OSBPL3: variants seen among roughly 807,000 people sequenced by gnomAD.
OSBPL3 encodes the protein oxysterol binding protein like 3, also known as oxysterol-binding protein-related protein 3.
Under a neutral mutation model 120.1 loss-of-function variants are expected in OSBPL3, and 65 were observed. The ratio of observed to expected loss-of-function variants is 0.54; its 90% CI spans 0.44 to 0.67. The LOEUF is 0.67. OSBPL3 is among the 30% of genes least tolerant of loss of function. The probability of loss-of-function intolerance (pLI) is 0.00; values close to 1 mark genes in which losing one functional copy is unlikely to be tolerated. For missense variants in OSBPL3, 1,004 were observed against 1,082.1 expected (o/e 0.93, Z 1.01); for synonymous variants, 416 against 402.6 (o/e 1.03, Z -0.40).
At chr7:24,960,834 C>G (rs910351996) in intron 1 of OSBPL3, among the ~76,000 whole-genome samples, 1 of 152,066 alleles carries the variant, frequency 6.6e-6, no homozygotes, top group Non-Finnish European at 1.5e-5. Flanking sequence ...AGAAGTATCA[C>G]CAAGTACATA....
chr7:24,839,191 G>A (rs1483223001), intron 14 of OSBPL3, among the ~76,000 whole-genome samples: 2 of 152,228 alleles, frequency 1.3e-5, no homozygotes, highest in Non-Finnish European at 2.9e-5. Flanking sequence ...AATAGGTGGT[G>A]CTTTGAGTAT....
rs530351257 is a variant in OSBPL3, at chr7:24,977,366, T to C, written c.-150+2520A>G. Among the ~76,000 whole-genome samples, 56 of 152,316 alleles carry C rather than the reference T, an allele frequency of 3.7e-4. 1 individual carries two copies. In the South Asian group the frequency reaches 0.011, roughly 30 times the overall value. Reference sequence around the variant, plus strand: ...AGAAAGTTTACAGCCCAATCTCAGATGGTTTTAATATTTGTATCACTGGAT... The same window carrying C: ...AGAAAGTTTACAGCCCAATCTCAGACGGTTTTAATATTTGTATCACTGGAT... On this transcript the variant is annotated intron_variant, in intron 1 of 22. Coordinates refer to ENST00000313367, the MANE Select transcript of OSBPL3 (RefSeq NM_015550.4).
chr7:24,978,555 A>G (rs924210119), intron 1 of OSBPL3, among the ~76,000 whole-genome samples: 1 of 152,200 alleles, frequency 6.6e-6, no homozygotes, highest in African/African-American at 2.4e-5. Flanking sequence ...GCTTGGATGC[A>G]TAAGAACCTA....
Position 24,803,679 on chromosome 7 carries a change from G to A in OSBPL3, c.2567+636C>T, listed in dbSNP as rs1792658602. On this transcript the variant is annotated intron_variant, in intron 22 of 22. Coordinates refer to ENST00000313367, the MANE Select transcript of OSBPL3 (RefSeq NM_015550.4). The surrounding 1 kb of genome is among the most constrained non-coding windows in gnomAD (Gnocchi z 4.2). ...CCAGCTACTTAGGAGGCTGAGGCAG[G>A]AGAATCGCTTGAACCCAGGAGGTGG... Among the ~76,000 whole-genome samples the A allele has an allele frequency of 6.6e-6, 1 of 152,094 alleles. No individual in the cohort carries two copies. Among genetic ancestry groups the A allele is most frequent in the Non-Finnish European group, 1.5e-5 (1 of 68,016 alleles).
At chr7:24,887,449 G>A (rs1240418321) in intron 2 of OSBPL3, among the ~76,000 whole-genome samples, 1 of 152,202 alleles carries the variant, frequency 6.6e-6, no homozygotes, top group Non-Finnish European at 1.5e-5. Flanking sequence ...CAGCTCATCC[G>A]TAATTATACC....
chr7:24,973,878 A>T (rs564622168), intron 1 of OSBPL3, among the ~76,000 whole-genome samples: 2 of 152,340 alleles, frequency 1.3e-5, no homozygotes, highest in South Asian at 4.1e-4. Context: ...AATTTCAAAC[A>T]TGTACAAAAG....
rs1215712635 is a variant in OSBPL3, at chr7:24,808,051, C to T, written c.2318-1149G>A. 6.6e-6 allele frequency among the ~76,000 whole-genome samples: 1 copy of T among 152,142 alleles called. No individual in the cohort carries two copies. ...TAGCTGGGACTACAGTAGATGCACA[C>T]CACCATGCCTGGCTAATCTTTGTAT... On this transcript the variant is annotated intron_variant, in intron 20 of 22. Transcript: ENST00000313367. The surrounding 1 kb of genome is among the most constrained non-coding windows in gnomAD (Gnocchi z 4.6).
chr7:24,837,306 C>T (rs1319489580), intron 14 of OSBPL3, among the ~76,000 whole-genome samples: 2 of 152,270 alleles, frequency 1.3e-5, no homozygotes, highest in South Asian at 2.1e-4. Flanking sequence ...CGGGCCTAAA[C>T]AATTGTTCCA....
rs1222295120 is a variant in OSBPL3 at position 24,967,191 on chromosome 7, T to A, written c.-150+12695A>T. On this transcript the variant is annotated intron_variant, in intron 1 of 22. Coordinates refer to ENST00000313367, the MANE Select transcript of OSBPL3 (RefSeq NM_015550.4). This position sits in a 1 kb window ranked among gnomAD's most constrained non-coding sequence, Gnocchi z 5.6. ...AATCTTCCAATCATACAACATTTAA[T>A]TTTTGTATTTGACTACCAGTTGAAC... Among the ~76,000 whole-genome samples the A allele has an allele frequency of 6.6e-6, 1 of 152,222 alleles. No individual in the cohort carries two copies. The highest frequency in any genetic ancestry group is 2.4e-5 in the African/African-American group (1 of 41,464).
rs571887283 is a variant in OSBPL3, at chr7:24,901,262, G to A, written c.-149-8641C>T. Among the ~76,000 whole-genome samples, 13 of 152,196 alleles carry A rather than the reference G, an allele frequency of 8.5e-5. No homozygotes were observed. The South Asian group carries it at 2.7e-3, about 32-fold the overall frequency. On this transcript the variant is annotated intron_variant, in intron 1 of 22. Coordinates refer to ENST00000313367, the MANE Select transcript of OSBPL3 (RefSeq NM_015550.4). ...GAATTGCTTGAACCCAGGAGGTGGA[G>A]CTGAGATGGCGCCACTGTACTCCAG...
In OSBPL3 at chr7:24,820,292, T is replaced by C. The variant is rs1486459946; in HGVS notation, c.1885-54A>G. On this transcript the variant is annotated intron_variant, in intron 16 of 22. Coordinates refer to ENST00000313367, the MANE Select transcript of OSBPL3 (RefSeq NM_015550.4). This position sits in a 1 kb window ranked among gnomAD's most constrained non-coding sequence, Gnocchi z 4.6. ...AAAATGAATGAACTTTTGTGTCTCA[T>C]GAAATCCATTCTTTCTCCCCTGCAC... 7 of 1,334,390 alleles carry C rather than the reference T, an allele frequency of 5.2e-6. No homozygotes were observed. The highest frequency in any genetic ancestry group is 7.5e-6 in the Non-Finnish European group (7 of 934,882). 82.7% of individuals were successfully genotyped at this position (1,334,390 alleles called of 1,614,324 possible).
chr7:24,919,587 C>T (rs1810138649), intron 1 of OSBPL3, among the ~76,000 whole-genome samples: 2 of 151,934 alleles, frequency 1.3e-5, no homozygotes, highest in Admixed American at 1.3e-4. Context: ...GTAACTCTTC[C>T]TGACCTTGGA....
At chr7:24,845,518 C>T (rs1798339620) in intron 12 of OSBPL3, among the ~76,000 whole-genome samples, 1 of 141,894 alleles carries the variant, frequency 7.0e-6, no homozygotes, top group Non-Finnish European at 1.5e-5. Context: ...TTTTAAGTTA[C>T]TTGATATTAT....
chr7:24,951,402 G>T (rs1181861710), intron 1 of OSBPL3, among the ~76,000 whole-genome samples: 1 of 151,936 alleles, frequency 6.6e-6, no homozygotes, highest in East Asian at 1.9e-4. Flanking sequence ...AAAAGAAAGG[G>T]GAAAAATGAA....
chr7:24,815,353 C>T lies in OSBPL3; in HGVS notation c.2028-150G>A, dbSNP rs186737881. On this transcript the variant is annotated intron_variant, in intron 18 of 22. Transcript: ENST00000313367. This position sits in a 1 kb window ranked among gnomAD's most constrained non-coding sequence, Gnocchi z 5.1. ...ACACTGGCTAAGTGTCTATGTCACA[C>T]TGGATGTTCTAGGAGCTTCCACTCT... The T allele has an allele frequency of 1.5e-6, 1 of 653,842 alleles. No individual in the cohort carries two copies. The allele number at this position is 653,842 out of a possible 1,614,324, so 40.5% of individuals were successfully genotyped here.
chr7:24,798,795 A>G lies in OSBPL3; in HGVS notation c.*1388T>C, dbSNP rs1419945667. The G allele has an allele frequency of 1.3e-5, 2 of 152,642 alleles. No individual in the cohort carries two copies. The highest frequency in any genetic ancestry group is 2.4e-5 in the African/African-American group (1 of 41,468). The allele number at this position is 152,642 out of a possible 1,614,324, so 9.5% of individuals were successfully genotyped here. A position where few individuals can be genotyped will look rare whatever the true frequency, so the allele number is the denominator to read the frequency against. The stretch of plus-strand genomic sequence containing the variant: ...GGAGAAATCTTTTTACTACATCATT[A>G]TACTTGATATTCCATAGCATTGCTA... On this transcript the variant is annotated 3_prime_UTR_variant, in exon 23 of 23. Transcript: ENST00000313367. This position sits in a 1 kb window ranked among gnomAD's most constrained non-coding sequence, Gnocchi z 4.6.
In OSBPL3 at chr7:24,830,755, G is replaced by A. The variant is rs752274859; in HGVS notation, c.1884+13C>T. The stretch of plus-strand genomic sequence containing the variant: ...CAACCCCTCCCAACAAGCAAAAAAT[G>A]GTGTACATCTACCTGTTCTGAAAAA... On this transcript the variant is annotated intron_variant, in intron 16 of 22. Transcript: ENST00000313367. This position sits in a 1 kb window ranked among gnomAD's most constrained non-coding sequence, Gnocchi z 4.4. 3.1e-5 allele frequency: 50 copies of A among 1,591,680 alleles called. No homozygotes were observed. Among genetic ancestry groups the A allele is most frequent in the Non-Finnish European group, 4.2e-5 (49 of 1,172,994 alleles).
At chr7:24,979,265 T>C (rs1406031378) in intron 1 of OSBPL3, among the ~76,000 whole-genome samples, 2 of 147,374 alleles carry the variant, frequency 1.4e-5, no homozygotes, top group Non-Finnish European at 3.0e-5. Context: ...GAAGGTGATC[T>C]GAACAGTAGT....
rs1817089426 is a variant in OSBPL3 at position 24,972,096 on chromosome 7, G to A, written c.-150+7790C>T. On this transcript the variant is annotated intron_variant, in intron 1 of 22. Transcript: ENST00000313367. The surrounding 1 kb of genome is among the most constrained non-coding windows in gnomAD (Gnocchi z 4.3). ...TATTTTAAGCTACATGCAGGGCTAT[G>A]CTGGAGGACAGGTTGCTAGATATCA... 2.0e-5 allele frequency among the ~76,000 whole-genome samples: 3 copies of A among 152,338 alleles called. No homozygotes were observed. In the South Asian group the frequency reaches 6.2e-4, roughly 32 times the overall value.
Sources: allele counts gnomAD v4.1 joint callset (sites outside exome capture counted in the v4.1 genomes callset), GRCh38; gene constraint gnomAD v4.1.1; non-coding constraint Gnocchi (gnomAD v3.1); transcripts MANE v1.5; gene names NCBI Gene and HGNC (gene_info 2026-07-23, HGNC 2026-07-21).